The following XKR4 variants were observed in gnomAD, a reference collection of about 807,000 sequenced individuals.
XKR4 encodes the protein XK-related protein 4.
Under a neutral mutation model 53.9 loss-of-function variants are expected in XKR4, and 12 were observed. The ratio of observed to expected loss-of-function variants is 0.22; its 90% CI spans 0.14 to 0.36. The LOEUF is 0.36. XKR4 is among the 10% of genes least tolerant of loss of function. The pLI, the probability that XKR4 is intolerant of heterozygous loss-of-function variation, is 1.00. For missense variants in XKR4, 799 were observed against 859.5 expected (o/e 0.93, Z 0.88); for synonymous variants, 354 against 362.4 (o/e 0.98, Z 0.26).
chr8:55,272,499 G>A (rs1818705997), intron 1 of XKR4, among the ~76,000 whole-genome samples: 1 of 152,140 alleles, frequency 6.6e-6, no homozygotes. Flanking sequence ...GTCTAAGCCT[G>A]CTCCTCAGGA....
chr8:55,452,249 G>A (rs1805460781), intron 2 of XKR4: 2 of 643,152 alleles, frequency 3.1e-6, no homozygotes, highest in Non-Finnish European at 2.8e-6. Flanking sequence ...GCTGCAGCCC[G>A]TCCTGCAATA....
At chr8:55,350,027 C>T (rs1316645287) in intron 1 of XKR4, among the ~76,000 whole-genome samples, 1 of 151,946 alleles carries the variant, frequency 6.6e-6, no homozygotes, top group East Asian at 1.9e-4. Context: ...CACACACATA[C>T]ACACACACAC....
chr8:55,420,797 G>GATAAATAAATAA (rs35390370), intron 2 of XKR4, among the ~76,000 whole-genome samples: 1 of 148,794 alleles, frequency 6.7e-6, no homozygotes, highest in African/African-American at 2.5e-5. Flanking sequence ...ATAATAAATA[G>GATAAATAAATAA]ATAAATAAAT....
At chr8:55,376,649 T>A (rs902765696) in intron 2 of XKR4, among the ~76,000 whole-genome samples, 1 of 152,088 alleles carries the variant, frequency 6.6e-6, no homozygotes, top group Admixed American at 6.5e-5. Flanking sequence ...TGGATAGACA[T>A]CAACTTCAAT....
chr8:55,482,872 CTA>C (rs1806133151), intron 2 of XKR4, among the ~76,000 whole-genome samples: 1 of 152,158 alleles, frequency 6.6e-6, no homozygotes, highest in Non-Finnish European at 1.5e-5. Flanking sequence ...AGGTTAAAGA[CTA>C]TAATAATTTC....
At chr8:55,110,880 C>G (rs1192164217) in intron 1 of XKR4, among the ~76,000 whole-genome samples, 2 of 152,094 alleles carry the variant, frequency 1.3e-5, no homozygotes, top group African/African-American at 4.8e-5. Context: ...TAATTCTTAT[C>G]ATCATAAAAC....
intron 1 of XKR4, among the ~76,000 whole-genome samples, chr8:55,255,689 A>G (rs985132998): frequency 6.6e-6 from 1 of 152,190 alleles, no homozygotes; most frequent in Non-Finnish European, 1.5e-5. Context: ...CATAAAAGTA[A>G]GCCCCTCGAG....
chr8:55,501,129 C>T (rs565681402), intron 2 of XKR4, among the ~76,000 whole-genome samples: 2 of 152,284 alleles, frequency 1.3e-5, no homozygotes, highest in East Asian at 3.9e-4. Context: ...TGTAAAGCAA[C>T]AAATTCAATT....
intron 1 of XKR4, among the ~76,000 whole-genome samples, chr8:55,355,768 C>A (rs937444050): frequency 1.4e-4 from 21 of 152,184 alleles, no homozygotes; most frequent in African/African-American, 5.1e-4. Context: ...ATGGAATATG[C>A]ATGAATTCTA....
intron 1 of XKR4, among the ~76,000 whole-genome samples, chr8:55,242,521 A>C (rs1207021076): frequency 6.6e-6 from 1 of 152,204 alleles, no homozygotes; most frequent in Non-Finnish European, 1.5e-5. Flanking sequence ...ACTTTGTTCA[A>C]AATTGGATAT....
At chr8:55,385,933 A>AT (rs1012049964) in intron 2 of XKR4, among the ~76,000 whole-genome samples, 2 of 152,044 alleles carry the variant, frequency 1.3e-5, no homozygotes, top group Non-Finnish European at 2.9e-5. Flanking sequence ...TGTTGTCTTT[A>AT]TTTTTTTTCT....
At chr8:55,288,944 T>C (rs1333932960) in intron 1 of XKR4, among the ~76,000 whole-genome samples, 2 of 152,128 alleles carry the variant, frequency 1.3e-5, no homozygotes, top group Non-Finnish European at 2.9e-5. Flanking sequence ...ATTTTTTTCA[T>C]TGAGCATGGT....
At chr8:55,334,611 A>C (rs1445484509) in intron 1 of XKR4, among the ~76,000 whole-genome samples, 1 of 152,170 alleles carries the variant, frequency 6.6e-6, no homozygotes, top group African/African-American at 2.4e-5. Flanking sequence ...TTCACTCCCA[A>C]CTTCATGCCG....
rs537793409 is a variant in XKR4 at position 55,267,633 on chromosome 8, G to T, written c.807-90045G>T. On this transcript the variant is annotated intron_variant, in intron 1 of 2. Coordinates refer to ENST00000327381, the MANE Select transcript of XKR4 (RefSeq NM_052898.2). ...AATTGTAACCAAAGTGTTAAGGGTTGTGATAGTTTGGTGGGTTTAGGGTTT... is the reference window on the plus strand; with the variant it reads ...AATTGTAACCAAAGTGTTAAGGGTTTTGATAGTTTGGTGGGTTTAGGGTTT... Among the ~76,000 whole-genome samples, 139 of 152,078 alleles carry T rather than the reference G, an allele frequency of 9.1e-4. 2 individuals carry two copies. Among genetic ancestry groups the T allele is most frequent in the African/African-American group, 3.3e-3 (139 of 41,566 alleles).
intron 2 of XKR4, chr8:55,451,128 G>A: frequency 1.9e-6 from 1 of 520,130 alleles, no homozygotes. Context: ...GTAGAGGGCT[G>A]CTTGCTGTGG....
intron 2 of XKR4, among the ~76,000 whole-genome samples, chr8:55,407,494 T>C (rs1289596605): frequency 6.6e-6 from 1 of 152,246 alleles, no homozygotes; most frequent in Non-Finnish European, 1.5e-5. Context: ...GTGATGAACC[T>C]GTCTGTTGCA....
chr8:55,157,980 G>A (rs1186961197), intron 1 of XKR4, among the ~76,000 whole-genome samples: 2 of 152,166 alleles, frequency 1.3e-5, no homozygotes, highest in Non-Finnish European at 2.9e-5. Flanking sequence ...ATGAACATAC[G>A]TGTGCATGTG....
chr8:55,449,521 C>G, intron 2 of XKR4: 1 of 1,462,792 alleles, frequency 6.8e-7, no homozygotes, highest in Non-Finnish European at 9.5e-7. Flanking sequence ...AGGCGTCCGA[C>G]AGTCAGCTCT....
chr8:55,173,692 A>G (rs1381577094), intron 1 of XKR4, among the ~76,000 whole-genome samples: 2 of 152,222 alleles, frequency 1.3e-5, no homozygotes, highest in East Asian at 1.9e-4. Context: ...TAGACACAAT[A>G]GCCTTTCCCA....
Sources: allele counts gnomAD v4.1 joint callset (sites outside exome capture counted in the v4.1 genomes callset), GRCh38; gene constraint gnomAD v4.1.1; transcripts MANE v1.5; gene names NCBI Gene and HGNC (gene_info 2026-07-23, HGNC 2026-07-21).